Variants in TTYH2 observed in about 807,000 individuals in gnomAD.
TTYH2 encodes protein tweety homolog 2.
A neutral mutation model predicts 68.3 loss-of-function variants in TTYH2; 49 were observed. The observed-to-expected ratio is 0.72, with a 90% CI of 0.57 to 0.91. The LOEUF is 0.91. TTYH2 is among the 40% of genes least tolerant of loss of function. The pLI, the probability that TTYH2 is intolerant of heterozygous loss-of-function variation, is 0.00. For synonymous variants in TTYH2, 272 were observed against 300.8 expected (o/e 0.90, Z 0.99); for missense variants, 631 against 700.4 (o/e 0.90, Z 1.12).
rs1286017631 is a variant in TTYH2 at position 74,239,978 on chromosome 17, G to A, written c.635+2464G>A. Among the ~76,000 whole-genome samples the A allele has an allele frequency of 3.3e-5, 5 of 152,214 alleles. No homozygotes were observed. Among genetic ancestry groups the A allele is most frequent in the African/African-American group, 1.2e-4 (5 of 41,456 alleles). On this transcript the variant is annotated intron_variant, in intron 4 of 13. Transcript: ENST00000269346. This position sits in a 1 kb window ranked among gnomAD's most constrained non-coding sequence, Gnocchi z 5.3. ...TTTAAGGGCCTCATGTGGGCATTTT[G>A]TTAATGACACTGATGGAATTAAGTC...
In TTYH2 at chr17:74,222,412, C is replaced by T; in HGVS notation, c.130-73C>T. On this transcript the variant is annotated intron_variant, in intron 1 of 13. Coordinates refer to ENST00000269346, the MANE Select transcript of TTYH2 (RefSeq NM_032646.6). The surrounding 1 kb of genome is among the most constrained non-coding windows in gnomAD (Gnocchi z 5.2). ...GCTCAGGCAGTGGGGCACTCAGGGC[C>T]CAAGGGCAGGGCACTTCCAGAGCCC... The T allele has an allele frequency of 6.7e-7, 1 of 1,497,316 alleles. No homozygotes were observed. The highest frequency in any genetic ancestry group is 1.3e-5 in the South Asian group (1 of 76,474). The allele number at this position is 1,497,316 out of a possible 1,614,324, so 92.8% of individuals were successfully genotyped here.
chr17:74,231,074 C>G, intron 3 of TTYH2, 75 bp downstream of exon 3: 1 of 1,345,602 alleles, frequency 7.4e-7, no homozygotes, highest in Non-Finnish European at 1.1e-6. Context: ...GGGCCCCCGT[C>G]AGATCCCAGC....
chr17:74,220,783 G>A (rs887192341), intron 1 of TTYH2, among the ~76,000 whole-genome samples: 4 of 151,524 alleles, frequency 2.6e-5, no homozygotes, highest in African/African-American at 7.3e-5. Flanking sequence ...TGGCTTCCCA[G>A]CTGCCACTTT....
At chr17:74,249,135 G>A (rs1002309375) in intron 7 of TTYH2, 55 bp downstream of exon 7, 2 of 1,607,936 alleles carry the variant, frequency 1.2e-6, no homozygotes, top group Non-Finnish European at 1.7e-6. Context: ...CGGACTCTGT[G>A]CCCCTACTTA....
In TTYH2 at chr17:74,215,170, CGTGTGTGTGTGTGTGTGTGTGTGT is replaced by C. The variant is rs5822029; in HGVS notation, c.129+1465_129+1488del. Among the ~76,000 whole-genome samples the C allele has an allele frequency of 6.8e-6, 1 of 147,384 alleles. No homozygotes were observed. The highest frequency in any genetic ancestry group is 2.0e-4 in the East Asian group (1 of 4,960). On this transcript the variant is annotated intron_variant, in intron 1 of 13. Coordinates refer to ENST00000269346, the MANE Select transcript of TTYH2 (RefSeq NM_032646.6). This position sits in a 1 kb window ranked among gnomAD's most constrained non-coding sequence, Gnocchi z 4.3. ...AGGCGGATATGATTTCAGAAACAGC[CGTGTGTGTGTGTGTGTGTGTGTGT>C]GTGTGTGTGTCCCCATCCCAAACCC...
In TTYH2 at chr17:74,253,266, T is replaced by C. The variant is rs1472458539; in HGVS notation, c.1445T>C (p.Met482Thr). 5.0e-6 allele frequency: 8 copies of C among 1,591,438 alleles called. No individual in the cohort carries two copies. Among genetic ancestry groups the C allele is most frequent in the Middle Eastern group, 1.8e-4 (1 of 5,652 alleles). The stretch of plus-strand genomic sequence containing the variant: ...TCCAACGCCCCTGTCTCCGAGTACA[T>C]GTACGGCCTGCACACACACCCAGGC... ...TISNAPVSEY[M>T]NQAMLFGRNP... Residue 482 changes from methionine to threonine, a missense_variant and splice_region_variant, in exon 12 of 14, where the codon ATG becomes ACG. Physicochemically the swap from Met to Thr is moderately conservative, Grantham distance 81. Transcript: ENST00000269346.
chr17:74,224,048 C>T (rs1017237323), intron 2 of TTYH2, among the ~76,000 whole-genome samples: 3 of 152,162 alleles, frequency 2.0e-5, no homozygotes, highest in Non-Finnish European at 4.4e-5. Context: ...CTGGACAGGC[C>T]GGGAGGTCAC....
intron 6 of TTYH2, 73 bp from the exon 7 acceptor site, chr17:74,248,938 C>T: frequency 6.2e-7 from 1 of 1,605,748 alleles, no homozygotes; most frequent in Admixed American, 1.7e-5. Context: ...GTGATGGGCT[C>T]CCGGCTCCTC....
intron 1 of TTYH2, among the ~76,000 whole-genome samples, chr17:74,219,809 CTTG>C (rs2050258231): frequency 6.6e-6 from 1 of 152,080 alleles, no homozygotes; most frequent in Non-Finnish European, 1.5e-5. Flanking sequence ...TATCTTTTCT[CTTG>C]TTGGTGGACG....
rs768844545 is a variant in TTYH2 at position 74,215,022 on chromosome 17, G to A, written c.129+1306G>A. Reference sequence around the variant, plus strand: ...TTCAGTGGGCACTCAGGAGCAAGACGGCAGTCGGTGGACCCACCCCCCTCC... The same window carrying A: ...TTCAGTGGGCACTCAGGAGCAAGACAGCAGTCGGTGGACCCACCCCCCTCC... On this transcript the variant is annotated intron_variant, in intron 1 of 13. Coordinates refer to ENST00000269346, the MANE Select transcript of TTYH2 (RefSeq NM_032646.6). This position sits in a 1 kb window ranked among gnomAD's most constrained non-coding sequence, Gnocchi z 4.3. Among the ~76,000 whole-genome samples the A allele has an allele frequency of 6.6e-5, 10 of 152,154 alleles. No individual in the cohort carries two copies. The highest frequency in any genetic ancestry group is 4.1e-4 in the South Asian group (2 of 4,830).
intron 13 of TTYH2, among the ~76,000 whole-genome samples, chr17:74,256,312 C>A (rs2050693092): frequency 6.6e-6 from 1 of 152,134 alleles, no homozygotes; most frequent in Non-Finnish European, 1.5e-5. Context: ...CGCTTGGAGG[C>A]TGGGGATGGG....
intron 13 of TTYH2, chr17:74,257,042 C>T (rs986491448): frequency 1.3e-5 from 2 of 152,208 alleles, no homozygotes; most frequent in African/African-American, 4.8e-5. Flanking sequence ...GCCGTGGCCC[C>T]AGGAATGCAG....
intron 1 of TTYH2, among the ~76,000 whole-genome samples, chr17:74,220,696 G>C (rs1213111098): frequency 2.0e-5 from 3 of 151,842 alleles, no homozygotes; most frequent in African/African-American, 7.3e-5. Context: ...TGGTCCAGGT[G>C]GGGAGAGCCC....
In TTYH2 at chr17:74,261,204, T is replaced by C. The variant is rs564507534; in HGVS notation, c.*995T>C. On this transcript the variant is annotated 3_prime_UTR_variant, in exon 14 of 14. Coordinates refer to ENST00000269346, the MANE Select transcript of TTYH2 (RefSeq NM_032646.6). Reference sequence around the variant, plus strand: ...AGACGGGAAGGAGTCGATTCTTAAATAAGGATCAGTGAGGCATCCTGTCCC... The same window carrying C: ...AGACGGGAAGGAGTCGATTCTTAAACAAGGATCAGTGAGGCATCCTGTCCC... 4 of 152,368 alleles carry C rather than the reference T, an allele frequency of 2.6e-5. No individual in the cohort carries two copies. The highest frequency in any genetic ancestry group is 5.9e-5 in the Non-Finnish European group (4 of 68,006). The allele number at this position is 152,368 out of a possible 1,614,324, so 9.4% of individuals were successfully genotyped here.
At chr17:74,225,263 C>T (rs1888980632) in intron 2 of TTYH2, among the ~76,000 whole-genome samples, 1 of 150,842 alleles carries the variant, frequency 6.6e-6, no homozygotes, top group Non-Finnish European at 1.5e-5. Flanking sequence ...GCAGAGGGAG[C>T]AGATGAGGGG....
intron 10 of TTYH2, chr17:74,251,786 A>G: frequency 6.1e-6 from 1 of 164,576 alleles, no homozygotes; most frequent in South Asian, 1.7e-4. Context: ...ACTCCTTTTA[A>G]AAGTCCGTAC....
Position 74,230,966 on chromosome 17 carries a change from T to C in TTYH2, c.381T>C (p.Asp127=). ...GAYQLMYSLD[D]ANHTFSGIDA... Reference sequence around the variant, plus strand: ...ACCAGCTGATGTACTCCTTGGACGATGCCAACCACACCTTCTCTGGGATCG... The same window carrying C: ...ACCAGCTGATGTACTCCTTGGACGACGCCAACCACACCTTCTCTGGGATCG... Residue 127 remains aspartate (D), a synonymous_variant, in exon 3 of 14, where the codon GAT becomes GAC. Coordinates refer to ENST00000269346, the MANE Select transcript of TTYH2 (RefSeq NM_032646.6). 9.3e-6 allele frequency: 15 copies of C among 1,614,160 alleles called. No individual in the cohort carries two copies. Among genetic ancestry groups the C allele is most frequent in the Non-Finnish European group, 1.3e-5 (15 of 1,180,010 alleles).
rs1187472026 is a variant in TTYH2, at chr17:74,223,276, CT to C, written c.302+628del. Among the ~76,000 whole-genome samples, 40 of 129,444 alleles carry C rather than the reference CT, an allele frequency of 3.1e-4. 1 individual carries two copies. The highest frequency in any genetic ancestry group is 9.9e-4 in the African/African-American group (28 of 28,322). The allele number at this position is 129,444 out of a possible 152,430, so 84.9% of individuals were successfully genotyped here. ...GGTGCACACCACCATGCCTGCCTGG[CT>C]TTTTTTTTGGGGGGCGGGGGGTGGG... On this transcript the variant is annotated intron_variant, in intron 2 of 13. Coordinates refer to ENST00000269346, the MANE Select transcript of TTYH2 (RefSeq NM_032646.6).
intron 2 of TTYH2, 51 bp from the exon 3 acceptor site, chr17:74,230,837 C>A: frequency 6.3e-7 from 1 of 1,580,444 alleles, no homozygotes; most frequent in Non-Finnish European, 8.7e-7. Context: ...TATAAGCAAA[C>A]ATTCTCCTCT....
Sources: allele counts gnomAD v4.1 joint callset (sites outside exome capture counted in the v4.1 genomes callset), GRCh38; gene constraint gnomAD v4.1.1; non-coding constraint Gnocchi (gnomAD v3.1); transcripts MANE v1.5; gene names NCBI Gene and HGNC (gene_info 2026-07-23, HGNC 2026-07-21).